Variants in RHPN1 observed in about 807,000 individuals in gnomAD.
The protein encoded by RHPN1 is rhophilin-1.
Under a neutral mutation model 74.7 loss-of-function variants are expected in RHPN1, and 77 were observed. The observed-to-expected ratio is 1.03, with a 90% CI of 0.86 to 1.25. The LOEUF (loss-of-function observed/expected upper bound fraction) is 1.25, where lower values mean the gene tolerates loss of function less well. RHPN1 is among the 50% of genes most tolerant of loss of function. The probability of loss-of-function intolerance (pLI) is 0.00; values close to 1 mark genes in which losing one functional copy is unlikely to be tolerated. For synonymous variants in RHPN1, 444 were observed against 414.5 expected, an observed-to-expected ratio of 1.07 and a Z score of -0.87; for missense variants, 987 against 932.2, an observed-to-expected ratio of 1.06 and a Z score of -0.77.
Position 143,381,559 on chromosome 8 carries a change from G to C in RHPN1, c.1489-13G>C. The C allele has an allele frequency of 6.2e-7, 1 of 1,602,890 alleles. No homozygotes were observed. The highest frequency in any genetic ancestry group is 1.3e-5 in the African/African-American group (1 of 74,726). On this transcript the variant is annotated splice_polypyrimidine_tract_variant and intron_variant, in intron 12 of 14. Coordinates refer to ENST00000289013, the MANE Select transcript of RHPN1 (RefSeq NM_052924.3). ...TGGCCCAGCTGGGCCTCTGACCTCT[G>C]AGCCCCTGCCAGGGGCCCCTGTCTG...
At position 143,378,574 on chromosome 8, in the gene RHPN1, C is replaced by T. The variant is rs192753469; in HGVS notation, c.460-122C>T. 2,174 of 1,339,864 alleles carry T rather than the reference C, an allele frequency of 1.6e-3. 21 individuals are homozygous for T. In the African/African-American group the frequency reaches 0.028, roughly 17 times the overall value. The allele number at this position is 1,339,864 out of a possible 1,614,324, so 83.0% of individuals were successfully genotyped here. On this transcript the variant is annotated intron_variant, in intron 5 of 14. Transcript: ENST00000289013. ...CTGGCCTTCGGGAGTCACGGCTGCC[C>T]AGGGCCCCACTGGCTTTGCCTCCCC...
chr8:143,381,251 C>T lies in RHPN1; in HGVS notation c.1412-17C>T. The T allele has an allele frequency of 1.9e-6, 3 of 1,607,992 alleles. No homozygotes were observed. The highest frequency in any genetic ancestry group is 1.7e-6 in the Non-Finnish European group (2 of 1,175,998). ...TCCACAGTCTCCCAGCTTAGCTCTGCTCTTACACCCTCTCAGCTAAGACCC... is the reference window on the plus strand; with the variant it reads ...TCCACAGTCTCCCAGCTTAGCTCTGTTCTTACACCCTCTCAGCTAAGACCC... On this transcript the variant is annotated splice_polypyrimidine_tract_variant and intron_variant, in intron 11 of 14. Transcript: ENST00000289013.
At chr8:143,367,808 C>T (rs1165391749), upstream of RHPN1, 1 of 152,374 alleles carries the variant, frequency 6.6e-6, no homozygotes, top group African/African-American at 2.4e-5. Context: ...CCGCCTGTGC[C>T]CTGGCCTTCC....
chr8:143,379,855 C>T lies in RHPN1; in HGVS notation c.972C>T (p.His324=), dbSNP rs570544457. 2 of 1,610,654 alleles carry T rather than the reference C, an allele frequency of 1.2e-6. No homozygotes were observed. Among genetic ancestry groups the T allele is most frequent in the East Asian group, 2.2e-5 (1 of 44,836 alleles). Residue 324 remains histidine, a synonymous_variant, in exon 9 of 15, where the codon CAC becomes CAT. Coordinates refer to ENST00000289013, the MANE Select transcript of RHPN1 (RefSeq NM_052924.3). ...TGGCAGCCGAGTACAGGCTAGTGCA[C>T]CGGACCATGGCCCAGCCACCCGTCC... is the stretch of plus-strand genomic sequence containing the variant. ...AQVAAEYRLV[H]RTMAQPPVHD...
chr8:143,368,879 C>T lies in RHPN1; in HGVS notation c.-109C>T. On this transcript the variant is annotated 5_prime_UTR_variant, in exon 1 of 15. Transcript: ENST00000289013. ...ACAGTCGGGGACCGGCGCGGGCACT[C>T]AGGAGCCCGCGGCCCAGGTGGTGCG... 2 of 764,190 alleles carry T rather than the reference C, an allele frequency of 2.6e-6. No individual in the cohort carries two copies. The highest frequency in any genetic ancestry group is 3.7e-5 in the African/African-American group (2 of 53,838). The allele number at this position is 764,190 out of a possible 1,614,324, so 47.3% of individuals were successfully genotyped here.
chr8:143,376,535 A>C lies in RHPN1; in HGVS notation c.187A>C (p.Asn63His), dbSNP rs534573833. 3.4e-5 allele frequency: 55 copies of C among 1,612,402 alleles called. 3 individuals are homozygous for C. In the South Asian group the frequency reaches 5.7e-4, roughly 17 times the overall value. ...CGCGGCCTCCCTCAGAGCCACCAGC[A>C]ACAACCGGGTGAGAGAGACGGTCGC... Reference protein sequence around the residue: ...GAENLYRATSNNRVRETVALE... With the variant: ...GAENLYRATSHNRVRETVALE... The change falls in exon 3 of 15, where the codon AAC becomes CAC. Residue 63 changes from asparagine (N) to histidine (H), a missense_variant. Coordinates refer to ENST00000289013, the MANE Select transcript of RHPN1 (RefSeq NM_052924.3).
At position 143,379,058 on chromosome 8, in the gene RHPN1, A is replaced by T; in HGVS notation, c.731A>T (p.Glu244Val). 1 of 1,529,956 alleles carries T rather than the reference A, an allele frequency of 6.5e-7. No homozygotes were observed. The highest frequency in any genetic ancestry group is 1.4e-5 in the African/African-American group (1 of 72,508). The allele number at this position is 1,529,956 out of a possible 1,614,324, so 94.8% of individuals were successfully genotyped here. ...SCTEGARRAM[E>V]AFQRAAGAFS... ...ACCGAGGGTGCCCGCCGCGCTATGG[A>T]GGCCTTCCAGAGGGCCGCTGGTGAG... Residue 244 changes from glutamate to valine, a missense_variant, in exon 7 of 15, where the codon GAG becomes GTG. By Grantham distance (121) the Glu-to-Val change is moderately radical (BLOSUM62 -2). Transcript: ENST00000289013.
intron 6 of RHPN1, 26 bp downstream of exon 6, chr8:143,378,846 C>A: frequency 6.4e-7 from 1 of 1,567,352 alleles, no homozygotes; most frequent in Non-Finnish European, 8.6e-7. Context: ...GCGGAGGCAC[C>A]CTGGGGAGGG....
At chr8:143,365,358 C>T (rs1586793271), upstream of RHPN1, among the ~76,000 whole-genome samples, 1 of 152,234 alleles carries the variant, frequency 6.6e-6, no homozygotes, top group African/African-American at 2.4e-5. Context: ...CCAGGCCAAG[C>T]AGGAAATTTC....
At chr8:143,381,442 C>G in intron 12 of RHPN1, 98 bp downstream of exon 12, 2 of 1,446,988 alleles carry the variant, frequency 1.4e-6, no homozygotes, top group Non-Finnish European at 1.9e-6. Flanking sequence ...GATGGTGGTC[C>G]AGCCCTCCCC....
Position 143,379,492 on chromosome 8 carries a change from C to A in RHPN1, c.929C>A (p.Ala310Glu). ...GACTGCCTGGCCCAGCTGCGCCTGG[C>A]GCAGGAGGCCGCCCAGGTGAGCTCG... ...PQDCLAQLRL[A>E]QEAAQVAAEY... The change falls in exon 8 of 15, where the codon GCG (alanine) becomes GAG (glutamate). Residue 310 changes from alanine (A) to glutamate (E), a missense_variant. Transcript: ENST00000289013. The A allele has an allele frequency of 1.9e-6, 3 of 1,555,206 alleles. No individual in the cohort carries two copies. The highest frequency in any genetic ancestry group is 2.6e-6 in the Non-Finnish European group (3 of 1,150,172).
rs1818418594 is a variant in RHPN1 at position 143,378,257 on chromosome 8, G to GC, written c.382-6dup. On this transcript the variant is annotated splice_polypyrimidine_tract_variant and intron_variant, in intron 4 of 14. Transcript: ENST00000289013. Reference sequence around the variant, plus strand: ...AGGGGTACTGTGGATGCCAACACCTGCCCCCCATCAGGAGCTGATCTCAGT... The same window carrying GC: ...AGGGGTACTGTGGATGCCAACACCTGCCCCCCCATCAGGAGCTGATCTCAGT... 1.9e-6 allele frequency: 3 copies of GC among 1,562,838 alleles called. No individual in the cohort carries two copies. Among genetic ancestry groups the GC allele is most frequent in the Middle Eastern group, 1.7e-4 (1 of 5,994 alleles).
chr8:143,369,075 G>C lies in RHPN1; in HGVS notation c.60+28G>C. On this transcript the variant is annotated intron_variant, in intron 1 of 14. Coordinates refer to ENST00000289013, the MANE Select transcript of RHPN1 (RefSeq NM_052924.3). ...GCGCAGAACTGGCGCGGCGGCGGGA[G>C]GAGGGGCCCGGAATCCCGGCCTTTT... 2.8e-6 allele frequency: 4 copies of C among 1,450,750 alleles called. No individual in the cohort carries two copies. The South Asian group carries it at 4.0e-5, about 15-fold the overall frequency. The allele number at this position is 1,450,750 out of a possible 1,614,324, so 89.9% of individuals were successfully genotyped here. A position where few individuals can be genotyped will look rare whatever the true frequency, so the allele number is the denominator to read the frequency against.
At chr8:143,378,873 AAC>A (rs1818480898) in intron 6 of RHPN1, 37 bp from the exon 7 acceptor site, 1 of 1,575,080 alleles carries the variant, frequency 6.3e-7, no homozygotes, top group African/African-American at 1.4e-5. Flanking sequence ...CAGCTGCGGG[AAC>A]CGTGGGAACT....
In RHPN1 at chr8:143,373,725, T is replaced by C. The variant is rs548453122; in HGVS notation, c.61-1828T>C. On this transcript the variant is annotated intron_variant, in intron 1 of 14. Transcript: ENST00000289013. ...CGGGGCGGGGATTTGGGGGATGGCG[T>C]GGGTTCCAGGGGACGGTGCCTCATC... is the stretch of plus-strand genomic sequence containing the variant. Among the ~76,000 whole-genome samples the C allele has an allele frequency of 2.0e-4, 29 of 147,422 alleles. 1 individual carries two copies. The highest frequency in any genetic ancestry group is 3.5e-3 in the Middle Eastern group (1 of 284).
intron 1 of RHPN1, among the ~76,000 whole-genome samples, chr8:143,373,726 G>A (rs1008997962): frequency 3.3e-5 from 5 of 150,870 alleles, no homozygotes; most frequent in Non-Finnish European, 7.4e-5. Flanking sequence ...GGGATGGCGT[G>A]GGTTCCAGGG....
chr8:143,376,110 C>T (rs1818199803), intron 2 of RHPN1, among the ~76,000 whole-genome samples: 1 of 152,224 alleles, frequency 6.6e-6, no homozygotes, highest in Admixed American at 6.5e-5. Context: ...CACCTGCTAC[C>T]TCCCTGCCCC....
Position 143,381,831 on chromosome 8 carries a change from T to A in RHPN1, c.1660T>A (p.Tyr554Asn). 1.2e-6 allele frequency: 2 copies of A among 1,613,052 alleles called. No homozygotes were observed. Among genetic ancestry groups the A allele is most frequent in the Non-Finnish European group, 1.7e-6 (2 of 1,179,744 alleles). The change falls in exon 14 of 15, where the codon TAC (tyrosine) becomes AAC (asparagine). Residue 554 changes from tyrosine (Y) to asparagine (N), a missense_variant. Transcript: ENST00000289013. Reference sequence around the variant, plus strand: ...GGCGGCTGGCCTGAAGGAGGGCGACTACATTGTGTCAGTGAATGGGCAGCC... The same window carrying A: ...GGCGGCTGGCCTGAAGGAGGGCGACAACATTGTGTCAGTGAATGGGCAGCC... ...AAAAGLKEGD[Y>N]IVSVNGQPCR...
At chr8:143,364,559 C>T (rs1817538229), upstream of RHPN1, among the ~76,000 whole-genome samples, 1 of 151,908 alleles carries the variant, frequency 6.6e-6, no homozygotes, top group South Asian at 2.1e-4. The surrounding 1 kb of genome is among the most constrained non-coding windows in gnomAD (Gnocchi z 4.5). Context: ...CTCCTTCTAC[C>T]ATGCTCCCGG....
Sources: gnomAD v4.1 joint callset for allele counts (sites outside exome capture counted in the v4.1 genomes callset) on GRCh38, gnomAD v4.1.1 for gene constraint, Gnocchi (gnomAD v3.1) non-coding constraint, MANE v1.5 for transcripts, NCBI Gene and HGNC (gene_info 2026-07-23, HGNC 2026-07-21) for gene names.